Variants in SYNE1 observed in about 807,000 individuals in gnomAD.
SYNE1 encodes the protein nesprin-1.
SYNE1 carries 616 observed loss-of-function variants against 1,111.0 expected under a neutral mutation model. That is an observed-to-expected ratio of 0.55 (90% confidence interval 0.52 to 0.59). SYNE1 has a LOEUF of 0.59. SYNE1 is among the 20% of genes least tolerant of loss of function. The probability of loss-of-function intolerance (pLI) is 0.00; values close to 1 mark genes in which losing one functional copy is unlikely to be tolerated. For synonymous variants in SYNE1, 3,855 were observed against 3,825.8 expected (o/e 1.01, Z -0.28); for missense variants, 10,006 against 10,417.0 (o/e 0.96, Z 1.72).
intron 130 of SYNE1, among the ~76,000 whole-genome samples, chr6:152,175,031 TA>T (rs1419312913): frequency 2.0e-5 from 3 of 151,370 alleles, no homozygotes; most frequent in African/African-American, 7.4e-5. Flanking sequence ...CCATCTCTAC[TA>T]AAAATACAAA....
At chr6:152,246,991 T>C (rs910694208) in intron 105 of SYNE1, among the ~76,000 whole-genome samples, 1 of 152,202 alleles carries the variant, frequency 6.6e-6, no homozygotes, top group Non-Finnish European at 1.5e-5. Context: ...AATACACTTA[T>C]CATGTACCCT....
Position 152,353,475 on chromosome 6 carries a change from T to C in SYNE1, c.11083-42A>G, listed in dbSNP as rs1192058707. The stretch of plus-strand genomic sequence containing the variant: ...AAAATTGAATGGTGAAGTAAAGGCC[T>C]GTGCCAGGGCCTTTGTTGATGAATA... On this transcript the variant is annotated intron_variant, in intron 68 of 145. Coordinates refer to ENST00000367255, the MANE Select transcript of SYNE1 (RefSeq NM_182961.4). 4 of 1,611,832 alleles carry C rather than the reference T, an allele frequency of 2.5e-6. No individual in the cohort carries two copies. In the Admixed American group the frequency reaches 5.0e-5, roughly 20 times the overall value.
intron 90 of SYNE1, among the ~76,000 whole-genome samples, chr6:152,309,480 ACT>A (rs1192516086): frequency 6.6e-6 from 1 of 152,198 alleles, no homozygotes. Flanking sequence ...TATGAAAAAA[ACT>A]CTGTAACACA....
At chr6:152,508,819 T>C (rs902619338) in intron 8 of SYNE1, among the ~76,000 whole-genome samples, 2 of 152,194 alleles carry the variant, frequency 1.3e-5, no homozygotes, top group African/African-American at 4.8e-5. Flanking sequence ...TGACTACAAC[T>C]TGAATCATGA....
At chr6:152,180,098 A>T (rs1411872378) in intron 129 of SYNE1, 38 bp downstream of exon 129, 4 of 1,611,962 alleles carry the variant, frequency 2.5e-6, no homozygotes, top group African/African-American at 1.3e-5. Flanking sequence ...CATAAGCCTT[A>T]TGAAGAATGA....
At chr6:152,372,748 G>A (rs1024012347) in intron 59 of SYNE1, among the ~76,000 whole-genome samples, 1 of 152,180 alleles carries the variant, frequency 6.6e-6, no homozygotes. Flanking sequence ...CACATGAAAG[G>A]CTAAGTGTTC....
rs1026742959 is a variant in SYNE1 at position 152,485,050 on chromosome 6, A to T, written c.1048-78T>A. 158 of 1,472,094 alleles carry T rather than the reference A, an allele frequency of 1.1e-4. No individual in the cohort carries two copies. The African/African-American group carries it at 1.8e-3, about 17-fold the overall frequency. 91.2% of individuals were successfully genotyped at this position (1,472,094 alleles called of 1,614,324 possible). On this transcript the variant is annotated intron_variant, in intron 12 of 145. Coordinates refer to ENST00000367255, the MANE Select transcript of SYNE1 (RefSeq NM_182961.4). ...CAAAGGAAAGCACATTTCCTAAATA[A>T]CAATCTTTTCTATTTGGATAACACT...
intron 98 of SYNE1, among the ~76,000 whole-genome samples, chr6:152,271,610 C>A (rs988230521): frequency 3.3e-5 from 5 of 152,224 alleles, no homozygotes; most frequent in African/African-American, 1.2e-4. Context: ...TCTCCCAGAA[C>A]TGGAACCCAT....
At chr6:152,189,866 G>C (rs2071707958) in intron 127 of SYNE1, among the ~76,000 whole-genome samples, 1 of 152,144 alleles carries the variant, frequency 6.6e-6, no homozygotes, top group Non-Finnish European at 1.5e-5. Flanking sequence ...GGTGGCTCTG[G>C]CAATTTCTTA....
At chr6:152,324,368 T>C (rs1300744217) in intron 81 of SYNE1, among the ~76,000 whole-genome samples, 5 of 151,722 alleles carry the variant, frequency 3.3e-5, no homozygotes, top group African/African-American at 9.7e-5. Context: ...CACTGCACTC[T>C]AGCCTGGGCG....
At chr6:152,367,183 G>A in intron 62 of SYNE1, 35 bp downstream of exon 62, 1 of 1,613,972 alleles carries the variant, frequency 6.2e-7, no homozygotes, top group Non-Finnish European at 8.5e-7. Flanking sequence ...AACAAATTCT[G>A]TAGGTTGGAG....
rs1421388767 is a variant in SYNE1, at chr6:152,505,502, A to C, written c.582-105T>G. ...AGTGCTTTTCACCAACGATATGCAG[A>C]GAGCTGTATCAGTTCATTGTATTTG... On this transcript the variant is annotated intron_variant, in intron 8 of 145. Transcript: ENST00000367255. 5 of 1,229,908 alleles carry C rather than the reference A, an allele frequency of 4.1e-6. No homozygotes were observed. The East Asian group carries it at 1.2e-4, about 30-fold the overall frequency. The allele number at this position is 1,229,908 out of a possible 1,614,324, so 76.2% of individuals were successfully genotyped here.
chr6:152,364,780 T>C (rs770294983), intron 63 of SYNE1, 67 bp downstream of exon 63: 58 of 1,600,636 alleles, frequency 3.6e-5, no homozygotes, highest in Non-Finnish European at 4.7e-5. Context: ...AGGAATGGTC[T>C]GTTCAGTAGT....
At chr6:152,492,677 G>A (rs1213758944) in intron 11 of SYNE1, among the ~76,000 whole-genome samples, 2 of 152,208 alleles carry the variant, frequency 1.3e-5, no homozygotes, top group African/African-American at 2.4e-5. Context: ...TCAGCTTAGC[G>A]GCTGAAGACT....
intron 140 of SYNE1, 95 bp downstream of exon 140, chr6:152,139,855 G>A: frequency 7.5e-7 from 1 of 1,325,280 alleles, no homozygotes; most frequent in Non-Finnish European, 1.1e-6. Context: ...TTCTGCTGCT[G>A]TGTAAGAGCA....
At chr6:152,244,708 C>A in intron 105 of SYNE1, 52 bp from the exon 106 acceptor site, 1 of 1,609,850 alleles carries the variant, frequency 6.2e-7, no homozygotes. Context: ...AATTTCCCCA[C>A]GGAAGATGTG....
chr6:152,290,893 C>T (rs922089780), intron 95 of SYNE1, among the ~76,000 whole-genome samples: 1 of 151,918 alleles, frequency 6.6e-6, no homozygotes, highest in Non-Finnish European at 1.5e-5. Flanking sequence ...ACCAGCTTTT[C>T]ATGTGGGCAG....
At chr6:152,307,774 T>G (rs2095422853) in intron 91 of SYNE1, among the ~76,000 whole-genome samples, 1 of 152,200 alleles carries the variant, frequency 6.6e-6, no homozygotes, top group South Asian at 2.1e-4. Context: ...CCTCTGATTT[T>G]GGGGAGAGGA....
chr6:152,368,734 T>C (rs764490393), intron 61 of SYNE1: 2 of 545,160 alleles, frequency 3.7e-6, no homozygotes, highest in Non-Finnish European at 6.6e-6. Flanking sequence ...AGACTGAAAG[T>C]CTCCTCAATC....
Sources: allele counts gnomAD v4.1 joint callset (sites outside exome capture counted in the v4.1 genomes callset), GRCh38; gene constraint gnomAD v4.1.1; transcripts MANE v1.5; gene names NCBI Gene and HGNC (gene_info 2026-07-23, HGNC 2026-07-21).